Variants in CCND3 observed in about 807,000 individuals in gnomAD.
CCND3 encodes cyclin D3.
In CCND3, 9 loss-of-function variants were observed where a neutral mutation model predicts 28.7. The ratio of observed to expected loss-of-function variants is 0.31; its 90% CI spans 0.19 to 0.55. CCND3 has a LOEUF of 0.55. Ranked by LOEUF, CCND3 falls within the 20% of genes least tolerant of loss-of-function variation. The probability of loss-of-function intolerance (pLI) is 0.93; values close to 1 mark genes in which losing one functional copy is unlikely to be tolerated. For synonymous variants in CCND3, 164 were observed against 163.9 expected, an observed-to-expected ratio of 1.00 and a Z score of 0.00; for missense variants, 315 against 385.8, an observed-to-expected ratio of 0.82 and a Z score of 1.54.
intron 1 of CCND3, among the ~76,000 whole-genome samples, chr6:42,028,042 C>T (rs554940959): frequency 2.8e-4 from 43 of 152,298 alleles, no homozygotes; most frequent in African/African-American, 9.6e-4. Context: ...ACACCACGCC[C>T]GGCCGCCCGT....
chr6:41,949,509 G>C (rs1329131819), intron 1 of CCND3, among the ~76,000 whole-genome samples: 1 of 151,476 alleles, frequency 6.6e-6, no homozygotes, highest in Non-Finnish European at 1.5e-5. Flanking sequence ...TGTCTCAAAA[G>C]AAAAGAAATT....
intron 1 of CCND3, among the ~76,000 whole-genome samples, chr6:41,964,906 C>T (rs2127405808): frequency 6.6e-6 from 1 of 152,210 alleles, no homozygotes; most frequent in Middle Eastern, 3.4e-3. Flanking sequence ...ATCACTGGAA[C>T]TCAGTGACCC....
intron 1 of CCND3, among the ~76,000 whole-genome samples, chr6:42,040,320 A>AG (rs1764332816): frequency 6.6e-6 from 1 of 152,158 alleles, no homozygotes; most frequent in African/African-American, 2.4e-5. Context: ...TAGGAGGCTG[A>AG]GGTAGGAGAA....
chr6:41,937,056 G>A (rs1336561994), intron 3 of CCND3, 179 bp downstream of exon 3: 1 of 675,864 alleles, frequency 1.5e-6, no homozygotes, highest in East Asian at 2.7e-5. Flanking sequence ...AACTGGAGGG[G>A]TCTGAGATCC....
rs138811553 is a variant in CCND3, at chr6:42,007,485, C to G, written c.-46+41016G>C. On this transcript the variant is annotated intron_variant, in intron 1 of 4. Transcript: ENST00000372988. ...CCTTTAAACGGGCAATTTTTAAAGA[C>G]TGGCAGGAGGCGGAGCCCAAATGCA... Among the ~76,000 whole-genome samples, 18 of 152,266 alleles carry G rather than the reference C, an allele frequency of 1.2e-4. No homozygotes were observed. The East Asian group carries it at 2.3e-3, about 20-fold the overall frequency.
intron 1 of CCND3, among the ~76,000 whole-genome samples, chr6:42,034,680 G>A (rs984780206): frequency 2.6e-5 from 4 of 151,418 alleles, no homozygotes; most frequent in Non-Finnish European, 4.4e-5. Context: ...GGGTTTCACC[G>A]TCTTGGCCAG....
At chr6:41,996,139 T>TATATATAATATATATATATATATA (rs1491589408) in intron 1 of CCND3, among the ~76,000 whole-genome samples, 9 of 17,868 alleles carry the variant, frequency 5.0e-4, no homozygotes, top group East Asian at 2.9e-3. Context: ...TATATATATA[T>TATATATAATATATATATATATATA]TTTTTTTGTT....
chr6:42,011,390 G>A (rs557991888), intron 1 of CCND3, among the ~76,000 whole-genome samples: 4 of 152,120 alleles, frequency 2.6e-5, no homozygotes, highest in Non-Finnish European at 5.9e-5. Flanking sequence ...ATCCCAAAAT[G>A]CTGAGATTAT....
chr6:41,937,724 A>G (rs1775855419), intron 2 of CCND3: 2 of 329,320 alleles, frequency 6.1e-6, no homozygotes, highest in South Asian at 7.6e-5. Flanking sequence ...GGATTTCTCC[A>G]GCCAGGGCTG....
chr6:41,998,287 CAA>C (rs70987560), intron 1 of CCND3, among the ~76,000 whole-genome samples: 1,315 of 118,246 alleles, frequency 0.011, 15 homozygotes, highest in African/African-American at 0.032. Flanking sequence ...GACTCCACCT[CAA>C]AAAAAAAAAA....
At chr6:41,993,891 C>G (rs1031967776) in intron 1 of CCND3, among the ~76,000 whole-genome samples, 5 of 145,622 alleles carry the variant, frequency 3.4e-5, no homozygotes, top group Non-Finnish European at 7.4e-5. Flanking sequence ...CCACTGCACT[C>G]CAGCCTGGGT....
intron 1 of CCND3, among the ~76,000 whole-genome samples, chr6:42,015,734 C>T (rs907171226): frequency 6.6e-6 from 1 of 151,292 alleles, no homozygotes; most frequent in African/African-American, 2.4e-5. Flanking sequence ...AAAGTTATGT[C>T]TTTTTAAATT....
chr6:41,964,311 TGTGA>T (rs1296303411), intron 1 of CCND3, among the ~76,000 whole-genome samples: 1 of 151,666 alleles, frequency 6.6e-6, no homozygotes, highest in African/African-American at 2.4e-5. Flanking sequence ...TGTGAATGTG[TGTGA>T]GTCTGTGTGT....
At chr6:42,023,131 C>T (rs1256515998) in intron 1 of CCND3, among the ~76,000 whole-genome samples, 1 of 152,214 alleles carries the variant, frequency 6.6e-6, no homozygotes, top group Non-Finnish European at 1.5e-5. Flanking sequence ...ACCCAACATG[C>T]ATGTTCCTGG....
chr6:42,038,683 C>T (rs1410665643), intron 1 of CCND3, among the ~76,000 whole-genome samples: 2 of 151,680 alleles, frequency 1.3e-5, no homozygotes. Flanking sequence ...AAGAAATAAG[C>T]CTAATAATTG....
intron 1 of CCND3, among the ~76,000 whole-genome samples, chr6:42,002,006 T>C (rs1282886446): frequency 6.6e-6 from 1 of 151,394 alleles, no homozygotes; most frequent in Non-Finnish European, 1.5e-5. Flanking sequence ...TTCCAGCTAG[T>C]TGGGAGGCTG....
At position 42,023,576 on chromosome 6, in the gene CCND3, G is replaced by A. The variant is rs1037010104; in HGVS notation, c.-46+24925C>T. 5.9e-5 allele frequency among the ~76,000 whole-genome samples: 9 copies of A among 152,160 alleles called. No homozygotes were observed. In the East Asian group the frequency reaches 1.7e-3, roughly 29 times the overall value. ...AGTGTTCACCAGTTTGGTGTTCGTG[G>A]TGACTGTACAGAATATAACTGGTGA... On this transcript the variant is annotated intron_variant, in intron 1 of 4. Coordinates refer to the CCND3 transcript ENST00000372988.
chr6:42,018,885 C>CCATG (rs1763611298), intron 1 of CCND3, among the ~76,000 whole-genome samples: 1 of 83,962 alleles, frequency 1.2e-5, no homozygotes, highest in Non-Finnish European at 2.4e-5. Context: ...GAGCGAAACT[C>CCATG]CATGTTAAAA....
chr6:42,035,189 C>T lies in CCND3; in HGVS notation c.-46+13312G>A, dbSNP rs537080460. Among the ~76,000 whole-genome samples, 5 of 152,278 alleles carry T rather than the reference C, an allele frequency of 3.3e-5. No homozygotes were observed. The East Asian group carries it at 5.8e-4, about 18-fold the overall frequency. On this transcript the variant is annotated intron_variant, in intron 1 of 4. Transcript: ENST00000372988. Reference sequence around the variant, plus strand: ...AAGGAATGCCAGCAGCAAACTACAGCGCAGGGCAACCTACTCCCTTGCGGA... The same window carrying T: ...AAGGAATGCCAGCAGCAAACTACAGTGCAGGGCAACCTACTCCCTTGCGGA...
Sources: allele counts gnomAD v4.1 joint callset (sites outside exome capture counted in the v4.1 genomes callset), GRCh38; gene constraint gnomAD v4.1.1; transcripts MANE v1.5; gene names NCBI Gene and HGNC (gene_info 2026-07-23, HGNC 2026-07-21).